Variants in NCKAP5 observed in about 807,000 individuals in gnomAD.
NCKAP5 encodes NCK associated protein 5.
A neutral mutation model predicts 167.0 loss-of-function variants in NCKAP5; 92 were observed. The observed-to-expected ratio is 0.55, with a 90% CI of 0.47 to 0.66. The LOEUF is 0.66. Among genes scored for constraint, NCKAP5 ranks in the 30% least tolerant of loss-of-function variants. NCKAP5 has a pLI of 0.00. For missense variants in NCKAP5, 2,378 were observed against 2,315.0 expected, an observed-to-expected ratio of 1.03 and a Z score of -0.56; for synonymous variants, 891 against 877.4, an observed-to-expected ratio of 1.02 and a Z score of -0.27.
chr2:133,431,653 T>A (rs866936160), intron 3 of NCKAP5: 1 of 152,160 alleles, frequency 6.6e-6, no homozygotes, highest in Non-Finnish European at 1.5e-5. Context: ...AGTGGCCTTT[T>A]TGATGGCAGA....
chr2:132,956,668 C>T (rs2090396705), intron 8 of NCKAP5, among the ~76,000 whole-genome samples: 1 of 152,146 alleles, frequency 6.6e-6, no homozygotes, highest in Non-Finnish European at 1.5e-5. Context: ...ATGTCTGACC[C>T]ACTTCAGGCC....
At position 133,120,534 on chromosome 2, in the gene NCKAP5, T is replaced by C. The variant is rs561607107; in HGVS notation, c.341+9444A>G. On this transcript the variant is annotated intron_variant, in intron 6 of 19. Transcript: ENST00000409261. ...GCCCCATATGCAAACCTTAGAGAGATTGGTATAAATGTTATCTGAGAGCCA... is the reference window on the plus strand; with the variant it reads ...GCCCCATATGCAAACCTTAGAGAGACTGGTATAAATGTTATCTGAGAGCCA... Among the ~76,000 whole-genome samples the C allele has an allele frequency of 4.8e-4, 71 of 148,824 alleles. 1 individual carries two copies. The South Asian group carries it at 0.015, about 30-fold the overall frequency.
intron 6 of NCKAP5, among the ~76,000 whole-genome samples, chr2:133,061,186 G>A (rs188974657): frequency 1.0e-3 from 153 of 152,240 alleles, no homozygotes; most frequent in African/African-American, 3.5e-3. Flanking sequence ...CAATGCATTT[G>A]GACAAAGAAT....
Position 133,136,189 on chromosome 2 carries a change from T to A in NCKAP5, c.208-6078A>T, listed in dbSNP as rs536145607. On this transcript the variant is annotated intron_variant, in intron 5 of 19. Coordinates refer to ENST00000409261, the MANE Select transcript of NCKAP5 (RefSeq NM_207363.3). The stretch of plus-strand genomic sequence containing the variant: ...GATTTCAAACAGATGGCTTGATGTA[T>A]GGTATGAGAAAACTTCAGAATGAAA... Among the ~76,000 whole-genome samples, 4 of 152,298 alleles carry A rather than the reference T, an allele frequency of 2.6e-5. No homozygotes were observed. The South Asian group carries it at 6.2e-4, about 24-fold the overall frequency.
At chr2:133,079,189 C>T (rs1225261698) in intron 6 of NCKAP5, among the ~76,000 whole-genome samples, 1 of 152,108 alleles carries the variant, frequency 6.6e-6, no homozygotes, top group Non-Finnish European at 1.5e-5. Flanking sequence ...TTGTCCTATA[C>T]AATGATAATT....
chr2:133,669,361 T>C, the NCKAP5 span, among the ~76,000 whole-genome samples: 6 of 152,134 alleles, frequency 3.9e-5, no homozygotes, highest in Non-Finnish European at 4.4e-5. Flanking sequence ...TTTGGAGAAG[T>C]AGATTTTCAG....
chr2:133,472,078 C>CT (rs1679386413), intron 3 of NCKAP5, among the ~76,000 whole-genome samples: 1 of 152,160 alleles, frequency 6.6e-6, no homozygotes, highest in African/African-American at 2.4e-5. Context: ...ATCCCACCAT[C>CT]TTAACTCTAA....
chr2:133,299,546 A>G (rs1680213652), intron 4 of NCKAP5, among the ~76,000 whole-genome samples: 1 of 152,342 alleles, frequency 6.6e-6, no homozygotes, highest in South Asian at 2.1e-4. Flanking sequence ...CAGGAGTTCG[A>G]GACCAGCCTG....
intron 3 of NCKAP5, among the ~76,000 whole-genome samples, chr2:133,515,709 T>C (rs893655288): frequency 3.3e-5 from 5 of 152,232 alleles, no homozygotes; most frequent in African/African-American, 9.7e-5. Flanking sequence ...AAGCTATCTT[T>C]AGGCAAAATT....
At chr2:133,665,478 A>T in the NCKAP5 span, among the ~76,000 whole-genome samples, 11 of 152,076 alleles carry the variant, frequency 7.2e-5, no homozygotes, top group Admixed American at 5.2e-4. Flanking sequence ...TTTTAACTTC[A>T]CCTCCTATAT....
At chr2:133,321,776 A>ATATTCCCTAGCCAACCCAG (rs1474197523) in intron 3 of NCKAP5, among the ~76,000 whole-genome samples, 2 of 152,184 alleles carry the variant, frequency 1.3e-5, no homozygotes, top group African/African-American at 4.8e-5. Context: ...CAATAACCCA[A>ATATTCCCTAGCCAACCCAG]TATTCCCTAG....
chr2:133,427,117 A>C (rs371350632), intron 3 of NCKAP5, among the ~76,000 whole-genome samples: 19 of 152,312 alleles, frequency 1.2e-4, no homozygotes, highest in African/African-American at 4.6e-4. Flanking sequence ...AAAAGCAACA[A>C]AGAATCAATT....
intron 4 of NCKAP5, among the ~76,000 whole-genome samples, chr2:133,275,109 G>A (rs2089672856): frequency 6.6e-6 from 1 of 151,848 alleles, no homozygotes; most frequent in South Asian, 2.1e-4. Flanking sequence ...GGGAAGCATA[G>A]AAATAGGCAG....
rs531752724 is a variant in NCKAP5 at position 133,440,547 on chromosome 2, A to T, written c.69+76911T>A. Among the ~76,000 whole-genome samples, 255 of 151,890 alleles carry T rather than the reference A, an allele frequency of 1.7e-3. 1 individual carries two copies. The highest frequency in any genetic ancestry group is 5.7e-3 in the African/African-American group (236 of 41,406). ...AACACGGTGAAACTCCATCTTTACT[A>T]AAAATACAAAAAATTAGCCAGGCGT... is the stretch of plus-strand genomic sequence containing the variant. On this transcript the variant is annotated intron_variant, in intron 3 of 19. Coordinates refer to ENST00000409261, the MANE Select transcript of NCKAP5 (RefSeq NM_207363.3).
chr2:132,837,551 T>C (rs1300996161), intron 11 of NCKAP5, among the ~76,000 whole-genome samples: 1 of 148,338 alleles, frequency 6.7e-6, no homozygotes, highest in Non-Finnish European at 1.5e-5. Context: ...TCTCTTTGTA[T>C]AGTACAATTT....
chr2:133,527,387 C>G (rs1420583886), intron 2 of NCKAP5, among the ~76,000 whole-genome samples: 1 of 152,140 alleles, frequency 6.6e-6, no homozygotes, highest in African/African-American at 2.4e-5. Context: ...TACATTTTTG[C>G]TAAGGCCCTA....
chr2:133,615,174 G>A, the NCKAP5 span, among the ~76,000 whole-genome samples: 13 of 152,132 alleles, frequency 8.5e-5, no homozygotes, highest in East Asian at 1.9e-4. Context: ...AGGAAAAACC[G>A]GTACCAGCCA....
In NCKAP5 at chr2:132,929,548, T is replaced by C. The variant is rs145248655; in HGVS notation, c.579+34172A>G. Among the ~76,000 whole-genome samples the C allele has an allele frequency of 2.3e-3, 348 of 152,304 alleles. 4 individuals are homozygous for C. Among genetic ancestry groups the C allele is most frequent in the African/African-American group, 8.1e-3 (335 of 41,566 alleles). ...ATTTAAGAAAATTAAATATAAAATA[T>C]TATGATTCTCAGGAGAAGCTATGTA... On this transcript the variant is annotated intron_variant, in intron 8 of 19. Transcript: ENST00000409261.
At chr2:133,461,093 G>T (rs767951348) in intron 3 of NCKAP5, among the ~76,000 whole-genome samples, 5 of 152,152 alleles carry the variant, frequency 3.3e-5, no homozygotes, top group Non-Finnish European at 7.4e-5. Context: ...ACGTTTTACT[G>T]CAGCCAAAGG....
Sources: allele counts gnomAD v4.1 joint callset (sites outside exome capture counted in the v4.1 genomes callset), GRCh38; gene constraint gnomAD v4.1.1; transcripts MANE v1.5; gene names NCBI Gene and HGNC (gene_info 2026-07-23, HGNC 2026-07-21).